Variants in ABLIM1 observed in about 807,000 individuals in gnomAD.
The protein encoded by ABLIM1 is actin binding LIM protein 1, also known as actin-binding LIM protein 1.
A neutral mutation model predicts 107.0 loss-of-function variants in ABLIM1; 40 were observed. The observed-to-expected ratio is 0.37, with a 90% confidence interval of 0.29 to 0.49. ABLIM1 has a LOEUF of 0.49. Ranked by LOEUF, ABLIM1 falls within the 20% of genes least tolerant of loss-of-function variation. ABLIM1 has a pLI of 0.97. For missense variants in ABLIM1, 857 were observed against 1,008.5 expected, an observed-to-expected ratio of 0.85 and a Z score of 2.04; for synonymous variants, 357 against 357.3, an observed-to-expected ratio of 1.00 and a Z score of 0.01.
chr10:114,728,939 G>C (rs566417133), intron 1 of ABLIM1, among the ~76,000 whole-genome samples: 1 of 152,148 alleles, frequency 6.6e-6, no homozygotes, highest in Non-Finnish European at 1.5e-5. Context: ...TGCTCATGAA[G>C]TAATGTTTTC....
At chr10:114,745,396 AC>A (rs1188367524) in intron 1 of ABLIM1, among the ~76,000 whole-genome samples, 4 of 142,156 alleles carry the variant, frequency 2.8e-5, no homozygotes, top group African/African-American at 1.1e-4. Context: ...CCCTGTCTGT[AC>A]TAAAAATACA....
intron 6 of ABLIM1, among the ~76,000 whole-genome samples, chr10:114,503,972 T>C (rs2060779314): frequency 6.6e-6 from 1 of 152,178 alleles, no homozygotes; most frequent in Non-Finnish European, 1.5e-5. Flanking sequence ...ATTCCTAAAT[T>C]GACCTGATAT....
At chr10:114,589,970 T>A (rs2074675182) in intron 2 of ABLIM1, among the ~76,000 whole-genome samples, 1 of 152,192 alleles carries the variant, frequency 6.6e-6, no homozygotes. Context: ...TTCAGCCCTG[T>A]AAGCTCCATT....
chr10:114,741,217 T>TTC (rs2082281273), intron 1 of ABLIM1, among the ~76,000 whole-genome samples: 11 of 57,598 alleles, frequency 1.9e-4, no homozygotes, highest in Admixed American at 4.5e-4. Flanking sequence ...ACTATTCTTC[T>TTC]TTTTTTTTTT....
chr10:114,433,040 A>G lies in ABLIM1; in HGVS notation c.*3220T>C, dbSNP rs1213266015. 4 of 152,208 alleles carry G rather than the reference A, an allele frequency of 2.6e-5. No homozygotes were observed. Among genetic ancestry groups the G allele is most frequent in the Admixed American group, 1.3e-4 (2 of 15,282 alleles). The allele number at this position is 152,208 out of a possible 1,614,324, so 9.4% of individuals were successfully genotyped here. A position where few individuals can be genotyped will look rare whatever the true frequency, so the allele number is the denominator to read the frequency against. ...TTTTAAAAGAACTGATTTTCCTATC[A>G]TCATTGAGGCCCCTTTTACTTCATG... On this transcript the variant is annotated 3_prime_UTR_variant, in exon 23 of 23. Coordinates refer to ENST00000533213, the MANE Select transcript of ABLIM1 (RefSeq NM_002313.7).
intron 1 of ABLIM1, among the ~76,000 whole-genome samples, chr10:114,745,795 T>C (rs2082371851): frequency 6.6e-6 from 1 of 152,094 alleles, no homozygotes; most frequent in Non-Finnish European, 1.5e-5. Context: ...GAGCTGAGAT[T>C]GCGCCATTGC....
chr10:114,650,254 A>T (rs551088216), intron 1 of ABLIM1, among the ~76,000 whole-genome samples: 1 of 152,312 alleles, frequency 6.6e-6, no homozygotes, highest in Admixed American at 6.5e-5. Flanking sequence ...GAGTCCATCC[A>T]TAATAATCAG....
chr10:114,495,270 T>G (rs1225068257), intron 6 of ABLIM1, among the ~76,000 whole-genome samples: 1 of 152,154 alleles, frequency 6.6e-6, no homozygotes. Context: ...GTCCATTTCT[T>G]TTGGAGCTGT....
chr10:114,704,335 T>TATCTCACG (rs3061769), intron 1 of ABLIM1, among the ~76,000 whole-genome samples: 1,411 of 83,128 alleles, frequency 0.017, 139 homozygotes, highest in African/African-American at 0.019. Context: ...TATATATATA[T>TATCTCACG]TGCGCGCGTT....
intron 6 of ABLIM1, among the ~76,000 whole-genome samples, chr10:114,518,763 A>G: frequency 6.6e-6 from 1 of 151,962 alleles, no homozygotes; most frequent in Admixed American, 6.5e-5. Flanking sequence ...AGAGAAGTAC[A>G]AACAAGTGTA....
chr10:114,455,726 A>G (rs1470432873), intron 12 of ABLIM1, among the ~76,000 whole-genome samples: 3 of 152,134 alleles, frequency 2.0e-5, no homozygotes, highest in Non-Finnish European at 4.4e-5. Context: ...GGCAAGATTC[A>G]CCATCAATTT....
intron 2 of ABLIM1, among the ~76,000 whole-genome samples, chr10:114,596,426 C>A (rs948896236): frequency 3.9e-5 from 6 of 152,192 alleles, no homozygotes; most frequent in African/African-American, 1.4e-4. Flanking sequence ...ATGGGCCTGG[C>A]GTGGTGGCAC....
intron 1 of ABLIM1, among the ~76,000 whole-genome samples, chr10:114,630,709 AAC>A (rs1299545120): frequency 5.9e-5 from 9 of 152,342 alleles, no homozygotes; most frequent in Admixed American, 4.6e-4. Flanking sequence ...AGATAAAGTA[AAC>A]ACAGGTAAGT....
chr10:114,516,966 A>G (rs1384178491), intron 6 of ABLIM1, among the ~76,000 whole-genome samples: 1 of 152,162 alleles, frequency 6.6e-6, no homozygotes, highest in Non-Finnish European at 1.5e-5. Context: ...CGATTAACTA[A>G]TAGTAGATGC....
the ABLIM1 span, among the ~76,000 whole-genome samples, chr10:114,782,572 C>T: frequency 0.014 from 2,160 of 152,168 alleles, 61 homozygotes; most frequent in African/African-American, 0.049. Context: ...TAAGCAGAGA[C>T]CAGTTCGAAA....
At chr10:114,634,129 C>CTTTTTTCTTT (rs2078342532) in intron 1 of ABLIM1, among the ~76,000 whole-genome samples, 1 of 68,298 alleles carries the variant, frequency 1.5e-5, no homozygotes, top group Non-Finnish European at 2.5e-5. Context: ...CTCAATTTTT[C>CTTTTTTCTTT]TTTTTTTTTT....
rs1369853732 is a variant in ABLIM1 at position 114,619,313 on chromosome 10, C to T, written c.245-17352G>A. Among the ~76,000 whole-genome samples the T allele has an allele frequency of 1.3e-5, 2 of 151,866 alleles. No homozygotes were observed. The highest frequency in any genetic ancestry group is 4.8e-5 in the African/African-American group (2 of 41,320). ...CCAGGTTCAAGCAATTCTCCTGCCT[C>T]AGCCTCCCGAGCAGCTGGGATTACA... On this transcript the variant is annotated intron_variant, in intron 1 of 22. Coordinates refer to ENST00000533213, the MANE Select transcript of ABLIM1 (RefSeq NM_002313.7). This position sits in a 1 kb window ranked among gnomAD's most constrained non-coding sequence, Gnocchi z 4.1.
At position 114,521,706 on chromosome 10, in the gene ABLIM1, A is replaced by G. The variant is rs1000901766; in HGVS notation, c.894+23299T>C. ...TTCCCTCTCCTTTTCCCTCCCATTC[A>G]TCCATCCTTCTATCCATCCACTCAT... On this transcript the variant is annotated intron_variant, in intron 6 of 22. Transcript: ENST00000533213. 4.4e-4 allele frequency among the ~76,000 whole-genome samples: 67 copies of G among 151,002 alleles called. 1 individual carries two copies. The highest frequency in any genetic ancestry group is 1.6e-3 in the African/African-American group (67 of 41,054).
At chr10:114,621,685 T>A (rs531836751) in intron 1 of ABLIM1, among the ~76,000 whole-genome samples, 1 of 152,160 alleles carries the variant, frequency 6.6e-6, no homozygotes, top group Non-Finnish European at 1.5e-5. Context: ...TCACCTGGTG[T>A]CCCCTCCATT....
Sources: allele counts gnomAD v4.1 joint callset (sites outside exome capture counted in the v4.1 genomes callset), GRCh38; gene constraint gnomAD v4.1.1; non-coding constraint Gnocchi (gnomAD v3.1); transcripts MANE v1.5; gene names NCBI Gene and HGNC (gene_info 2026-07-23, HGNC 2026-07-21).